Variants in CALN1 observed in about 807,000 individuals in gnomAD.
CALN1 encodes the protein calcium-binding protein 8.
CALN1 carries 17 observed loss-of-function variants against 30.6 expected under a neutral mutation model. The observed-to-expected ratio is 0.56, with a 90% confidence interval of 0.38 to 0.83. The LOEUF (loss-of-function observed/expected upper bound fraction) is 0.83, where lower values mean the gene tolerates loss of function less well. Among genes scored for constraint, CALN1 ranks in the 40% least tolerant of loss-of-function variants. The pLI is 0.00. For missense variants in CALN1, 291 were observed against 354.9 expected (o/e 0.82, Z 1.45); for synonymous variants, 156 against 131.4 (o/e 1.19, Z -1.28).
chr7:72,109,404 C>T (rs553415974), intron 3 of CALN1, among the ~76,000 whole-genome samples: 11 of 152,088 alleles, frequency 7.2e-5, no homozygotes, highest in Admixed American at 2.0e-4. Flanking sequence ...CCGTGGACAT[C>T]GTTGAAGTGT....
chr7:72,343,036 T>C (rs1019184310), intron 2 of CALN1, among the ~76,000 whole-genome samples: 1 of 152,118 alleles, frequency 6.6e-6, no homozygotes, highest in East Asian at 1.9e-4. Flanking sequence ...AGGACAAAAT[T>C]TGGTATCTGG....
At chr7:72,370,450 C>T (rs965835025) in intron 2 of CALN1, among the ~76,000 whole-genome samples, 4 of 151,608 alleles carry the variant, frequency 2.6e-5, no homozygotes, top group African/African-American at 7.3e-5. Flanking sequence ...GTCAGGAGAT[C>T]GAGACCATCC....
Position 72,278,804 on chromosome 7 carries a change from C to T in CALN1, c.126G>A (p.Lys42=). The change falls in exon 3 of 7, where the codon AAG becomes AAA. Residue 42 remains lysine (K), a synonymous_variant. Transcript: ENST00000395275. ...CGGCGGTCACATGGTGGAACGGCAT[C>T]TTTTCCCTGCCCAAGAGAGAACAGG... ...SQAPDFPTWE[K]MPFHHVTAGL... 6.2e-7 allele frequency: 1 copy of T among 1,613,014 alleles called. No homozygotes were observed. The highest frequency in any genetic ancestry group is 8.5e-7 in the Non-Finnish European group (1 of 1,179,136).
At chr7:72,329,149 T>TAA (rs1422932588) in intron 2 of CALN1, among the ~76,000 whole-genome samples, 1 of 152,286 alleles carries the variant, frequency 6.6e-6, no homozygotes, top group Non-Finnish European at 1.5e-5. Context: ...ACCACGTTTT[T>TAA]AAACAAAACT....
At chr7:72,150,860 T>A (rs4717628) in intron 3 of CALN1, among the ~76,000 whole-genome samples, 27,303 of 146,890 alleles carry the variant, frequency 0.19, 2,657 homozygotes, top group East Asian at 0.29. Context: ...CAATAACTAT[T>A]TGCTGTGATG....
intron 4 of CALN1, among the ~76,000 whole-genome samples, chr7:72,085,015 T>C (rs1434787993): frequency 6.6e-6 from 1 of 152,228 alleles, no homozygotes; most frequent in Non-Finnish European, 1.5e-5. Context: ...CGTTAGTCAC[T>C]GCTGCCATCT....
At chr7:72,345,402 G>A (rs1802589336) in intron 2 of CALN1, among the ~76,000 whole-genome samples, 1 of 32,462 alleles carries the variant, frequency 3.1e-5, no homozygotes. Flanking sequence ...GGGAAGGAAG[G>A]AAAGAAAGAA....
intron 4 of CALN1, among the ~76,000 whole-genome samples, chr7:72,070,720 C>T (rs1804331259): frequency 6.6e-6 from 1 of 152,184 alleles, no homozygotes; most frequent in African/African-American, 2.4e-5. Context: ...TGGGCGAATG[C>T]TCTGTACTTA....
chr7:72,284,925 G>A (rs940828321), intron 2 of CALN1, among the ~76,000 whole-genome samples: 21 of 152,064 alleles, frequency 1.4e-4, no homozygotes, highest in Admixed American at 2.6e-4. Flanking sequence ...CCACATTAAT[G>A]CACCTTCCTT....
At chr7:72,084,796 T>A (rs1404720284) in intron 4 of CALN1, among the ~76,000 whole-genome samples, 1 of 152,196 alleles carries the variant, frequency 6.6e-6, no homozygotes, top group Non-Finnish European at 1.5e-5. Context: ...GTGGATTCAC[T>A]TTCTGCGGCT....
chr7:72,034,934 G>A (rs989675232), intron 4 of CALN1, among the ~76,000 whole-genome samples: 5 of 151,668 alleles, frequency 3.3e-5, no homozygotes, highest in Admixed American at 6.6e-5. Flanking sequence ...AAAATGGGGA[G>A]GTCAAGGAGA....
intron 2 of CALN1, among the ~76,000 whole-genome samples, chr7:72,360,723 C>G (rs1305061535): frequency 6.7e-6 from 1 of 149,468 alleles, no homozygotes; most frequent in Non-Finnish European, 1.5e-5. Context: ...CACGTGTACC[C>G]TAGAACTTAA....
chr7:72,173,499 A>G (rs1452911907), intron 3 of CALN1, among the ~76,000 whole-genome samples: 4 of 152,318 alleles, frequency 2.6e-5, no homozygotes, highest in African/African-American at 9.6e-5. Context: ...ATAAAAAGCC[A>G]AAGAAATGGT....
rs557949216 is a variant in CALN1, at chr7:72,028,030, G to C, written c.389-4261C>G. On this transcript the variant is annotated intron_variant, in intron 4 of 6. Transcript: ENST00000395275. ...GCCGAGATCGCGCCACTGCACTCCAGCCTGGGCGACAGAGCGAGACTCCGT... is the reference window on the plus strand; with the variant it reads ...GCCGAGATCGCGCCACTGCACTCCACCCTGGGCGACAGAGCGAGACTCCGT... Among the ~76,000 whole-genome samples the C allele has an allele frequency of 6.8e-4, 86 of 126,068 alleles. 1 individual carries two copies. Among genetic ancestry groups the C allele is most frequent in the African/African-American group, 2.3e-3 (80 of 35,478 alleles). 82.7% of individuals were successfully genotyped at this position (126,068 alleles called of 152,430 possible).
At chr7:71,889,832 G>T (rs1302465106) in intron 5 of CALN1, among the ~76,000 whole-genome samples, 2 of 152,162 alleles carry the variant, frequency 1.3e-5, no homozygotes, top group African/African-American at 2.4e-5. Flanking sequence ...GCACACGCCT[G>T]TAATCCTAGC....
At position 71,989,063 on chromosome 7, in the gene CALN1, A is replaced by G. The variant is rs75722629; in HGVS notation, c.501+34594T>C. On this transcript the variant is annotated intron_variant, in intron 5 of 6. Transcript: ENST00000395275. ...ATCAGCCAATTGCATGCTGGCCCAG[A>G]GTCAAACCAGATTTCCTTGCTAATT... Among the ~76,000 whole-genome samples the G allele has an allele frequency of 1.2e-3, 190 of 152,290 alleles. 4 individuals are homozygous for G. In the East Asian group the frequency reaches 0.035, roughly 28 times the overall value.
intron 3 of CALN1, among the ~76,000 whole-genome samples, chr7:72,208,022 T>A (rs570198760): frequency 6.6e-6 from 1 of 152,264 alleles, no homozygotes; most frequent in East Asian, 1.9e-4. Flanking sequence ...ACTCAGAAGA[T>A]CATGACAGTT....
rs78408108 is a variant in CALN1 at position 72,134,723 on chromosome 7, G to A, written c.245-28429C>T. Among the ~76,000 whole-genome samples, 255 of 152,270 alleles carry A rather than the reference G, an allele frequency of 1.7e-3. 3 individuals are homozygous for A. The East Asian group carries it at 0.025, about 15-fold the overall frequency. On this transcript the variant is annotated intron_variant, in intron 3 of 6. Coordinates refer to ENST00000395275, the MANE Select transcript of CALN1 (RefSeq NM_031468.4). Reference sequence around the variant, plus strand: ...AAGGTGGTGGTTGCTGAAGTCTGAGGTGCCTGTGGCAATTTCTTAAAATAA... The same window carrying A: ...AAGGTGGTGGTTGCTGAAGTCTGAGATGCCTGTGGCAATTTCTTAAAATAA...
At chr7:72,057,383 CTTT>C (rs60838093) in intron 4 of CALN1, among the ~76,000 whole-genome samples, 1 of 101,910 alleles carries the variant, frequency 9.8e-6, no homozygotes, top group Non-Finnish European at 1.9e-5. Flanking sequence ...TTTAAATGTT[CTTT>C]TTTTTTTTTT....
Sources: gnomAD v4.1 joint callset for allele counts (sites outside exome capture counted in the v4.1 genomes callset) on GRCh38, gnomAD v4.1.1 for gene constraint, MANE v1.5 for transcripts, NCBI Gene and HGNC (gene_info 2026-07-23, HGNC 2026-07-21) for gene names.